The following RORA variants were observed in gnomAD, a reference collection of about 807,000 sequenced individuals.
RORA encodes nuclear receptor ROR-alpha.
In RORA, 7 loss-of-function variants were observed where a neutral mutation model predicts 69.5. The observed-to-expected ratio is 0.10, with a 90% CI of 0.06 to 0.19. RORA has a LOEUF of 0.19. Ranked by LOEUF, RORA falls within the 10% of genes least tolerant of loss-of-function variation. RORA has a pLI of 1.00. For synonymous variants in RORA, 261 were observed against 240.8 expected, an observed-to-expected ratio of 1.08 and a Z score of -0.78; for missense variants, 457 against 663.0, an observed-to-expected ratio of 0.69 and a Z score of 3.41.
rs183888359 is a variant in RORA at position 60,961,535 on chromosome 15, T to G, written c.166+267518A>C. ...TAATATGAAGTAACCACACTTGTGTTGCCATAAAGCGTCTCAGCTGCTACT... is the reference window on the plus strand; with the variant it reads ...TAATATGAAGTAACCACACTTGTGTGGCCATAAAGCGTCTCAGCTGCTACT... On this transcript the variant is annotated intron_variant, in intron 1 of 10. Coordinates refer to ENST00000335670, the MANE Select transcript of RORA (RefSeq NM_134261.3). 2.6e-5 allele frequency among the ~76,000 whole-genome samples: 4 copies of G among 152,358 alleles called. No individual in the cohort carries two copies. The East Asian group carries it at 7.7e-4, about 29-fold the overall frequency.
At chr15:60,729,813 T>C (rs927550998) in intron 1 of RORA, among the ~76,000 whole-genome samples, 1 of 152,264 alleles carries the variant, frequency 6.6e-6, no homozygotes, top group Non-Finnish European at 1.5e-5. Flanking sequence ...ATCCAACTTA[T>C]ACTTTATGTA....
intron 1 of RORA, among the ~76,000 whole-genome samples, chr15:60,985,579 CCTCT>C (rs1566934124): frequency 9.3e-6 from 1 of 107,692 alleles, no homozygotes; most frequent in Non-Finnish European, 1.9e-5. Context: ...AGAAACTCAT[CCTCT>C]TTTTTTTTTT....
At chr15:61,181,680 CAAAAAA>C (rs749054081) in intron 1 of RORA, among the ~76,000 whole-genome samples, 1 of 57,762 alleles carries the variant, frequency 1.7e-5, no homozygotes, top group Non-Finnish European at 3.6e-5. Flanking sequence ...TTAGCTTTGG[CAAAAAA>C]AAAAAAAAAA....
At chr15:61,201,344 C>A (rs1387122247) in intron 1 of RORA, among the ~76,000 whole-genome samples, 1 of 152,168 alleles carries the variant, frequency 6.6e-6, no homozygotes, top group Non-Finnish European at 1.5e-5. Context: ...GTTGGAGAGG[C>A]CTGGGTTAGG....
chr15:61,058,340 T>A (rs2078124262), intron 1 of RORA, among the ~76,000 whole-genome samples: 1 of 152,106 alleles, frequency 6.6e-6, no homozygotes, highest in Non-Finnish European at 1.5e-5. Context: ...AACCATTGGA[T>A]GAGTGAATGT....
intron 1 of RORA, among the ~76,000 whole-genome samples, chr15:60,839,638 G>T (rs942392053): frequency 1.3e-5 from 2 of 152,162 alleles, no homozygotes; most frequent in Non-Finnish European, 2.9e-5. Context: ...AACCAGGGTA[G>T]GTATAATGAG....
chr15:60,915,456 C>A (rs1891843972), intron 1 of RORA, among the ~76,000 whole-genome samples: 1 of 152,186 alleles, frequency 6.6e-6, no homozygotes, highest in Non-Finnish European at 1.5e-5. Flanking sequence ...CCTCTCTGGA[C>A]CTCAGTTACT....
intron 1 of RORA, among the ~76,000 whole-genome samples, chr15:60,962,396 G>A (rs563442118): frequency 6.6e-6 from 1 of 152,288 alleles, no homozygotes; most frequent in South Asian, 2.1e-4. Flanking sequence ...CTTGCTGTCA[G>A]AACCAAGTAC....
At chr15:60,815,713 T>C (rs1158516632) in intron 1 of RORA, among the ~76,000 whole-genome samples, 1 of 150,394 alleles carries the variant, frequency 6.6e-6, no homozygotes. Context: ...TAGAGTCCAG[T>C]CAACACCCCC....
chr15:61,005,367 C>T (rs1336977210), intron 1 of RORA, among the ~76,000 whole-genome samples: 1 of 152,178 alleles, frequency 6.6e-6, no homozygotes, highest in East Asian at 1.9e-4. Flanking sequence ...GTAATACCAG[C>T]TACTCAGGAG....
intron 1 of RORA, among the ~76,000 whole-genome samples, chr15:60,869,165 G>T (rs2073524613): frequency 6.6e-6 from 1 of 152,172 alleles, no homozygotes; most frequent in Admixed American, 6.5e-5. Flanking sequence ...CCATAAAATT[G>T]CAGGTCCTCA....
intron 1 of RORA, among the ~76,000 whole-genome samples, chr15:61,210,024 C>A (rs1004907257): frequency 6.6e-6 from 1 of 152,188 alleles, no homozygotes; most frequent in South Asian, 2.1e-4. Context: ...TAAAGTGATG[C>A]CTGTCTCGAA....
intron 1 of RORA, among the ~76,000 whole-genome samples, chr15:61,160,354 T>A (rs1441293622): frequency 6.6e-6 from 1 of 152,226 alleles, no homozygotes; most frequent in African/African-American, 2.4e-5. Context: ...AAGGATAACT[T>A]TTTTATAATT....
chr15:60,571,984 G>A (rs886500834), intron 2 of RORA, among the ~76,000 whole-genome samples: 13 of 152,182 alleles, frequency 8.5e-5, no homozygotes, highest in East Asian at 1.9e-4. Flanking sequence ...ACACCAGAAC[G>A]TACTGCAGAG....
chr15:60,498,601 T>C (rs908094647), intron 10 of RORA, among the ~76,000 whole-genome samples: 2 of 152,200 alleles, frequency 1.3e-5, no homozygotes, highest in Non-Finnish European at 2.9e-5. Context: ...AAACTGCTTA[T>C]TATTTTAACC....
intron 1 of RORA, among the ~76,000 whole-genome samples, chr15:60,714,346 A>C (rs915671544): frequency 6.6e-6 from 1 of 151,808 alleles, no homozygotes; most frequent in Admixed American, 6.6e-5. Context: ...GGCGTGAGCC[A>C]CCGCATCTGG....
intron 1 of RORA, among the ~76,000 whole-genome samples, chr15:61,148,484 GA>G (rs1015397143): frequency 1.3e-5 from 2 of 152,152 alleles, no homozygotes; most frequent in African/African-American, 4.8e-5. Context: ...CTCACCATCA[GA>G]AAGACTCTCT....
At chr15:61,202,042 C>T (rs1324042082) in intron 1 of RORA, among the ~76,000 whole-genome samples, 1 of 146,222 alleles carries the variant, frequency 6.8e-6, no homozygotes, top group Non-Finnish European at 1.5e-5. Flanking sequence ...GAGTCTCACT[C>T]TGTTGCCGAG....
chr15:60,647,067 C>A (rs1306175514), intron 2 of RORA, among the ~76,000 whole-genome samples: 1 of 152,140 alleles, frequency 6.6e-6, no homozygotes, highest in African/African-American at 2.4e-5. Context: ...AAATGGTTCA[C>A]TTGGTATTGA....
Sources: allele counts gnomAD v4.1 joint callset (sites outside exome capture counted in the v4.1 genomes callset), GRCh38; gene constraint gnomAD v4.1.1; transcripts MANE v1.5; gene names NCBI Gene and HGNC (gene_info 2026-07-23, HGNC 2026-07-21).